Variants in CDK19 observed in about 807,000 individuals in gnomAD.
The protein encoded by CDK19 is cyclin-dependent kinase 19.
In CDK19, 20 loss-of-function variants were observed where a neutral mutation model predicts 68.3. That is an observed-to-expected ratio of 0.29 (90% CI 0.21 to 0.43). The LOEUF is 0.43. CDK19 is among the 20% of genes least tolerant of loss of function. The pLI is 1.00. For missense variants in CDK19, 339 were observed against 623.5 expected (o/e 0.54, Z 4.86); for synonymous variants, 221 against 222.8 (o/e 0.99, Z 0.07).
chr6:110,738,495 G>T (rs1777416665), intron 2 of CDK19, among the ~76,000 whole-genome samples: 1 of 152,086 alleles, frequency 6.6e-6, no homozygotes, highest in African/African-American at 2.4e-5. Context: ...ACTCCAGCCT[G>T]GGTGACAGAG....
chr6:110,732,563 T>C (rs1582975290), intron 2 of CDK19, among the ~76,000 whole-genome samples: 3 of 152,206 alleles, frequency 2.0e-5, no homozygotes, highest in South Asian at 2.1e-4. Context: ...GCTAACATTT[T>C]AACCTTTCTA....
At chr6:110,646,730 C>T (rs1230405747) in intron 4 of CDK19, among the ~76,000 whole-genome samples, 8 of 152,140 alleles carry the variant, frequency 5.3e-5, no homozygotes, top group African/African-American at 1.7e-4. Context: ...AGTTAACCCA[C>T]CTCGGCTGCC....
At chr6:110,627,201 A>G in intron 6 of CDK19, 56 bp from the exon 7 acceptor site, 1 of 1,313,018 alleles carries the variant, frequency 7.6e-7, no homozygotes. Context: ...TAATTCCTAG[A>G]TATAATCCCA....
chr6:110,770,365 G>A (rs1372543796), intron 1 of CDK19, among the ~76,000 whole-genome samples: 1 of 152,162 alleles, frequency 6.6e-6, no homozygotes, highest in Non-Finnish European at 1.5e-5. Context: ...GAGGCGAAAG[G>A]CACTTCTTAC....
chr6:110,647,006 C>T (rs1780638007), intron 4 of CDK19, among the ~76,000 whole-genome samples: 1 of 152,036 alleles, frequency 6.6e-6, no homozygotes, highest in Non-Finnish European at 1.5e-5. Context: ...GGAGGGTCTC[C>T]ACCTATGCCC....
At chr6:110,795,177 C>T (rs925342912) in intron 1 of CDK19, among the ~76,000 whole-genome samples, 2 of 152,110 alleles carry the variant, frequency 1.3e-5, no homozygotes, top group African/African-American at 2.4e-5. Flanking sequence ...CCCCTTGTTG[C>T]ACAGGCTAGT....
intron 4 of CDK19, among the ~76,000 whole-genome samples, chr6:110,660,279 C>T (rs913970117): frequency 3.9e-5 from 6 of 152,116 alleles, no homozygotes; most frequent in Non-Finnish European, 7.3e-5. Context: ...AGCATGCAGG[C>T]GAGTGGGTAC....
intron 2 of CDK19, among the ~76,000 whole-genome samples, chr6:110,730,284 A>G (rs1333357497): frequency 1.3e-5 from 2 of 152,220 alleles, no homozygotes; most frequent in African/African-American, 4.8e-5. Flanking sequence ...ATCAACCCAA[A>G]GACAATGCAA....
chr6:110,703,403 TTA>T (rs2114649241), intron 2 of CDK19, among the ~76,000 whole-genome samples: 2 of 152,210 alleles, frequency 1.3e-5, no homozygotes, highest in South Asian at 4.1e-4. Context: ...AATGGAGTTT[TTA>T]TATGTCAATT....
intron 1 of CDK19, among the ~76,000 whole-genome samples, chr6:110,799,822 T>C (rs1002489323): frequency 6.6e-5 from 10 of 152,160 alleles, no homozygotes; most frequent in African/African-American, 2.4e-4. Flanking sequence ...AGGCTGGCCT[T>C]GAACTCCTGA....
chr6:110,721,293 T>C (rs1775866746), intron 2 of CDK19, among the ~76,000 whole-genome samples: 1 of 152,040 alleles, frequency 6.6e-6, no homozygotes, highest in Admixed American at 6.6e-5. Flanking sequence ...TTTGAGAGAC[T>C]CCAAGGAAAT....
chr6:110,617,856 CAAAAAAA>C (rs58620857), intron 12 of CDK19, among the ~76,000 whole-genome samples: 4 of 17,358 alleles, frequency 2.3e-4, no homozygotes, highest in Non-Finnish European at 7.1e-4. Flanking sequence ...GACTCTGTCT[CAAAAAAA>C]AAAAAAAAAA....
chr6:110,786,533 C>A (rs1460230654), intron 1 of CDK19, among the ~76,000 whole-genome samples: 1 of 152,132 alleles, frequency 6.6e-6, no homozygotes, highest in Non-Finnish European at 1.5e-5. Context: ...TCCTTCTAGA[C>A]CTTCATGATG....
rs540893611 is a variant in CDK19, at chr6:110,739,349, T to G, written c.204+6777A>C. 1.8e-4 allele frequency among the ~76,000 whole-genome samples: 28 copies of G among 152,244 alleles called. 1 individual carries two copies. The East Asian group carries it at 1.9e-3, about 11-fold the overall frequency. On this transcript the variant is annotated intron_variant, in intron 2 of 12. Coordinates refer to ENST00000368911, the MANE Select transcript of CDK19 (RefSeq NM_015076.5). The stretch of plus-strand genomic sequence containing the variant: ...AGAAGACAGCCGTCCATCTGTGAAC[T>G]AGGAAGTGGACCCTTACCAGACACT...
At chr6:110,627,599 C>T (rs565156362) in intron 6 of CDK19, among the ~76,000 whole-genome samples, 1 of 152,224 alleles carries the variant, frequency 6.6e-6, no homozygotes, top group East Asian at 1.9e-4. Context: ...AAGCCTTGAC[C>T]TCCTGGGCTC....
rs367652473 is a variant in CDK19, at chr6:110,727,868, T to C, written c.204+18258A>G. Among the ~76,000 whole-genome samples, 6 of 151,784 alleles carry C rather than the reference T, an allele frequency of 4.0e-5. No homozygotes were observed. The East Asian group carries it at 1.2e-3, about 29-fold the overall frequency. ...CAGGCATAGTGGTAAATCCCTATTGTCCCAGCCCAGCTACTCAGGAAACTG... is the reference window on the plus strand; with the variant it reads ...CAGGCATAGTGGTAAATCCCTATTGCCCCAGCCCAGCTACTCAGGAAACTG... On this transcript the variant is annotated intron_variant, in intron 2 of 12. Coordinates refer to ENST00000368911, the MANE Select transcript of CDK19 (RefSeq NM_015076.5).
intron 5 of CDK19, among the ~76,000 whole-genome samples, chr6:110,635,566 G>C (rs544438389): frequency 6.6e-6 from 1 of 152,280 alleles, no homozygotes; most frequent in East Asian, 1.9e-4. Flanking sequence ...CCCATATGGA[G>C]TCTTGCTCTG....
Position 110,638,650 on chromosome 6 carries a change from T to G in CDK19, c.513A>C (p.Ile171=), listed in dbSNP as rs1000577268. 1 of 1,467,366 alleles carries G rather than the reference T, an allele frequency of 6.8e-7. No homozygotes were observed. The highest frequency in any genetic ancestry group is 9.5e-7 in the Non-Finnish European group (1 of 1,049,980). The allele number at this position is 1,467,366 out of a possible 1,614,324, so 90.9% of individuals were successfully genotyped here. A position where few individuals can be genotyped will look rare whatever the true frequency, so the allele number is the denominator to read the frequency against. ...ATTATTTTAGGAATAATTACCTACC[T>G]ATTTTGACTCTCCCCCTCTCAGGAC... ...GEGPERGRVK[I]ADMGFARLFN... The change falls in exon 5 of 13, where the codon ATA becomes ATC. Residue 171 remains isoleucine (I), a splice_region_variant and synonymous_variant. Coordinates refer to ENST00000368911, the MANE Select transcript of CDK19 (RefSeq NM_015076.5).
rs57995761 is a variant in CDK19 at position 110,739,796 on chromosome 6, A to AATTATT, written c.204+6324_204+6329dup. On this transcript the variant is annotated intron_variant, in intron 2 of 12. Transcript: ENST00000368911. ...CAGGTGAGTGCCACTATGCCCAGCTAATTATTATTATTATTATTATTATTA... is the reference window on the plus strand; with the variant it reads ...CAGGTGAGTGCCACTATGCCCAGCTAATTATTATTATTATTATTATTATTATTATTA... Among the ~76,000 whole-genome samples the AATTATT allele has an allele frequency of 8.1e-4, 119 of 147,404 alleles. 1 individual carries two copies. Among genetic ancestry groups the AATTATT allele is most frequent in the South Asian group, 2.6e-3 (12 of 4,562 alleles).
Sources: gnomAD v4.1 joint callset for allele counts (sites outside exome capture counted in the v4.1 genomes callset) on GRCh38, gnomAD v4.1.1 for gene constraint, MANE v1.5 for transcripts, NCBI Gene and HGNC (gene_info 2026-07-23, HGNC 2026-07-21) for gene names.